The following BNC2 variants were observed in gnomAD, a reference collection of about 807,000 sequenced individuals.
BNC2 encodes basonuclin zinc finger protein 2.
A neutral mutation model predicts 76.3 loss-of-function variants in BNC2; 20 were observed. The observed-to-expected ratio is 0.26, with a 90% CI of 0.18 to 0.38. The LOEUF is 0.38. Ranked by LOEUF, BNC2 falls within the 10% of genes least tolerant of loss-of-function variation. The probability of loss-of-function intolerance (pLI) is 1.00; values close to 1 mark genes in which losing one functional copy is unlikely to be tolerated. For missense variants in BNC2, 1,382 were observed against 1,399.8 expected, an observed-to-expected ratio of 0.99 and a Z score of 0.20; for synonymous variants, 582 against 514.8, an observed-to-expected ratio of 1.13 and a Z score of -1.77.
chr9:16,593,925 A>G (rs924382899), intron 3 of BNC2, among the ~76,000 whole-genome samples: 3 of 152,178 alleles, frequency 2.0e-5, no homozygotes, highest in African/African-American at 7.2e-5. Context: ...AAGTAATAAT[A>G]ATCTCATTTC....
chr9:16,582,782 A>AGCACT (rs532268885), intron 4 of BNC2, among the ~76,000 whole-genome samples: 150 of 152,266 alleles, frequency 9.9e-4, no homozygotes, highest in African/African-American at 3.4e-3. Flanking sequence ...CTGCTCGCCT[A>AGCACT]GCTCCTTGGA....
At chr9:16,705,632 G>A (rs944378995) in intron 3 of BNC2, among the ~76,000 whole-genome samples, 4 of 151,328 alleles carry the variant, frequency 2.6e-5, no homozygotes, top group Non-Finnish European at 4.4e-5. Flanking sequence ...CTTTTTCCTC[G>A]AGTTGTATGA....
chr9:16,696,037 C>A (rs1368584720), intron 3 of BNC2, among the ~76,000 whole-genome samples: 1 of 152,132 alleles, frequency 6.6e-6, no homozygotes, highest in Non-Finnish European at 1.5e-5. Context: ...GTCCATTCTG[C>A]CCTTTCAATC....
rs550069698 is a variant in BNC2 at position 16,415,902 on chromosome 9, T to C, written c.*3087A>G. 5 of 152,188 alleles carry C rather than the reference T, an allele frequency of 3.3e-5. No individual in the cohort carries two copies. Among genetic ancestry groups the C allele is most frequent in the Admixed American group, 6.5e-5 (1 of 15,274 alleles). 9.4% of individuals were successfully genotyped at this position (152,188 alleles called of 1,614,324 possible). Reference sequence around the variant, plus strand: ...GCAAATAGGGGAGATACTTAAAAAGTGTCAGCTGTCCAGGACTTATTGCCA... The same window carrying C: ...GCAAATAGGGGAGATACTTAAAAAGCGTCAGCTGTCCAGGACTTATTGCCA... On this transcript the variant is annotated 3_prime_UTR_variant, in exon 7 of 7. Coordinates refer to ENST00000380672, the MANE Select transcript of BNC2 (RefSeq NM_017637.6).
chr9:16,533,428 A>G (rs901701370), intron 5 of BNC2, among the ~76,000 whole-genome samples: 3 of 152,196 alleles, frequency 2.0e-5, no homozygotes, highest in African/African-American at 7.2e-5. Flanking sequence ...ATAAAAATAC[A>G]AATAAGGAAT....
intron 1 of BNC2, among the ~76,000 whole-genome samples, chr9:16,753,624 G>A (rs1825286606): frequency 6.6e-6 from 1 of 152,062 alleles, no homozygotes; most frequent in East Asian, 1.9e-4. Flanking sequence ...ACTGCCAACG[G>A]GTAAGTCTTA....
At position 16,436,902 on chromosome 9, in the gene BNC2, C is replaced by G. The variant is rs1393763913; in HGVS notation, c.1292G>C (p.Arg431Thr). ...KSSFRIHRMR[R>T]MGSASRKGRV... ...TCCTTTCCTAGAGGCTGACCCCATC[C>G]TTCTCATCCGATGAATCCGGAATGA... The change falls in exon 6 of 7, where the codon AGG becomes ACG. Residue 431 changes from arginine (R) to threonine (T), a missense_variant. Physicochemically the swap from Arg to Thr is moderately conservative, Grantham distance 71. This residue lies in a region of BNC2 where 557 missense variants were observed against 540.9 expected (regional missense o/e 1.03). Transcript: ENST00000380672. 1 of 1,613,956 alleles carries G rather than the reference C, an allele frequency of 6.2e-7. No homozygotes were observed. The highest frequency in any genetic ancestry group is 1.3e-5 in the African/African-American group (1 of 74,886).
chr9:16,804,305 G>T (rs749199635), intron 1 of BNC2, among the ~76,000 whole-genome samples: 1 of 152,200 alleles, frequency 6.6e-6, no homozygotes, highest in Non-Finnish European at 1.5e-5. Context: ...TCCCCAGAAC[G>T]TTTTGATGTA....
chr9:16,462,560 A>G (rs1011375282), intron 5 of BNC2, among the ~76,000 whole-genome samples: 3 of 152,198 alleles, frequency 2.0e-5, no homozygotes, highest in Non-Finnish European at 2.9e-5. Context: ...CCTATCTAAC[A>G]CCAGGAAAAA....
chr9:16,449,569 C>A (rs1401983633), intron 5 of BNC2, among the ~76,000 whole-genome samples: 1 of 152,156 alleles, frequency 6.6e-6, no homozygotes, highest in African/African-American at 2.4e-5. Context: ...TCTTGTATTG[C>A]TATGTTTATC....
intron 3 of BNC2, among the ~76,000 whole-genome samples, chr9:16,678,869 C>A (rs1399230306): frequency 6.6e-6 from 1 of 152,110 alleles, no homozygotes; most frequent in African/African-American, 2.4e-5. Flanking sequence ...TCGGTAGTGC[C>A]TGAAAATTAC....
chr9:16,837,748 C>T (rs1032601379), intron 1 of BNC2, among the ~76,000 whole-genome samples: 7 of 152,230 alleles, frequency 4.6e-5, no homozygotes, highest in Non-Finnish European at 7.4e-5. Context: ...AGATGAGGAG[C>T]CCTAACTTCA....
At chr9:16,529,744 T>C (rs1026544985) in intron 5 of BNC2, among the ~76,000 whole-genome samples, 4 of 152,166 alleles carry the variant, frequency 2.6e-5, no homozygotes, top group Non-Finnish European at 5.9e-5. Flanking sequence ...GGATGAAAAG[T>C]TTCATCCTTA....
At position 16,778,467 on chromosome 9, in the gene BNC2, C is replaced by CTAAG. The variant is rs987480185; in HGVS notation, c.4-39986_4-39983dup. On this transcript the variant is annotated intron_variant, in intron 1 of 6. Coordinates refer to ENST00000380672, the MANE Select transcript of BNC2 (RefSeq NM_017637.6). ...TTTTCAGCCAAAAAAACATGATGAC[C>CTAAG]TAAGCCACTTCATTCAAAACAATAA... 1.4e-4 allele frequency among the ~76,000 whole-genome samples: 22 copies of CTAAG among 152,132 alleles called. 1 individual carries two copies. The highest frequency in any genetic ancestry group is 2.9e-5 in the Non-Finnish European group (2 of 68,028).
rs570737241 is a variant in BNC2, at chr9:16,855,135, G to A, written c.3+15511C>T. 9.9e-5 allele frequency among the ~76,000 whole-genome samples: 13 copies of A among 131,466 alleles called. No individual in the cohort carries two copies. In the South Asian group the frequency reaches 1.5e-3, roughly 15 times the overall value. 86.2% of individuals were successfully genotyped at this position (131,466 alleles called of 152,430 possible). A position where few individuals can be genotyped will look rare whatever the true frequency, so the allele number is the denominator to read the frequency against. The stretch of plus-strand genomic sequence containing the variant: ...ACAGATACATACATGTTCACATGGC[G>A]TGTGTGTGTGTGTGTGTGATCTCCA... On this transcript the variant is annotated intron_variant, in intron 1 of 6. Transcript: ENST00000380672.
At chr9:16,545,437 A>G (rs942386366) in intron 5 of BNC2, among the ~76,000 whole-genome samples, 2 of 152,154 alleles carry the variant, frequency 1.3e-5, no homozygotes, top group Admixed American at 6.5e-5. Flanking sequence ...TACTATTATT[A>G]TCCCTGTTTT....
At chr9:16,537,502 T>C (rs1818167528) in intron 5 of BNC2, among the ~76,000 whole-genome samples, 1 of 152,118 alleles carries the variant, frequency 6.6e-6, no homozygotes, top group African/African-American at 2.4e-5. Context: ...AAAATATATA[T>C]ATCAAAAATG....
chr9:16,735,030 T>C (rs868101279), intron 2 of BNC2, among the ~76,000 whole-genome samples: 2 of 152,140 alleles, frequency 1.3e-5, no homozygotes, highest in African/African-American at 2.4e-5. Flanking sequence ...CTCAGTTTCA[T>C]AGAAACACAT....
At chr9:16,787,626 G>A (rs185961358) in intron 1 of BNC2, among the ~76,000 whole-genome samples, 5 of 152,294 alleles carry the variant, frequency 3.3e-5, no homozygotes, top group Admixed American at 3.3e-4. Context: ...CCTTTTGAGT[G>A]TATTTTTGTG....
Sources: allele counts gnomAD v4.1 joint callset (sites outside exome capture counted in the v4.1 genomes callset), GRCh38; gene constraint gnomAD v4.1.1; regional missense constraint gnomAD v4.1.1; transcripts MANE v1.5; gene names NCBI Gene and HGNC (gene_info 2026-07-23, HGNC 2026-07-21).